The following SLC20A2 variants were observed in gnomAD, a reference collection of about 807,000 sequenced individuals.
The protein encoded by SLC20A2 is solute carrier family 20 member 2.
SLC20A2 carries 30 observed loss-of-function variants against 61.0 expected under a neutral mutation model. The observed-to-expected ratio is 0.49, with a 90% confidence interval of 0.37 to 0.67. SLC20A2 has a LOEUF of 0.67. SLC20A2 is among the 30% of genes least tolerant of loss of function. The pLI is 0.00. For synonymous variants in SLC20A2, 351 were observed against 353.3 expected (o/e 0.99, Z 0.07); for missense variants, 626 against 866.4 (o/e 0.72, Z 3.48).
chr8:42,504,728 C>T (rs2131357476), upstream of SLC20A2, among the ~76,000 whole-genome samples: 1 of 151,094 alleles, frequency 6.6e-6, no homozygotes, highest in East Asian at 1.9e-4. Flanking sequence ...GCCTGTAGTC[C>T]CAGCTACTCA....
intron 3 of SLC20A2, among the ~76,000 whole-genome samples, chr8:42,463,862 T>C (rs1287640473): frequency 1.3e-5 from 2 of 151,858 alleles, no homozygotes; most frequent in Non-Finnish European, 2.9e-5. Context: ...TTGTAAAAAA[T>C]TGAGTAACCC....
chr8:42,456,749 A>C (rs1177837975), intron 5 of SLC20A2, among the ~76,000 whole-genome samples: 2 of 151,144 alleles, frequency 1.3e-5, no homozygotes, highest in Non-Finnish European at 2.9e-5. Context: ...AAAAAAAAAA[A>C]AAAAAACAAG....
At chr8:42,429,968 G>T (rs1382271159) in intron 9 of SLC20A2, 96 bp downstream of exon 9, 3 of 1,057,262 alleles carry the variant, frequency 2.8e-6, no homozygotes, top group African/African-American at 1.6e-5. Flanking sequence ...GCTGCCAACT[G>T]CCAGTGCTGA....
At chr8:42,535,640 C>A (rs1353112335) in intron 1 of SLC20A2, among the ~76,000 whole-genome samples, 1 of 152,200 alleles carries the variant, frequency 6.6e-6, no homozygotes, top group African/African-American at 2.4e-5. Flanking sequence ...ACTGTATTAT[C>A]TGGTGACTAA....
intron 8 of SLC20A2, 29 bp from the exon 9 acceptor site, chr8:42,430,278 A>G: frequency 6.3e-7 from 1 of 1,581,096 alleles, no homozygotes; most frequent in Non-Finnish European, 8.6e-7. Flanking sequence ...GAAAAGATTA[A>G]CTATATATGC....
intron 1 of SLC20A2, among the ~76,000 whole-genome samples, chr8:42,473,627 A>T (rs926599961): frequency 1.3e-5 from 2 of 152,106 alleles, no homozygotes; most frequent in Non-Finnish European, 2.9e-5. Flanking sequence ...GGGAGAGGAG[A>T]TGCCATGAGA....
intron 1 of SLC20A2, among the ~76,000 whole-genome samples, chr8:42,530,477 T>C (rs1812250010): frequency 6.6e-6 from 1 of 152,208 alleles, no homozygotes; most frequent in Admixed American, 6.5e-5. Flanking sequence ...TTTACTCAAA[T>C]CTTCCCAAAA....
At chr8:42,427,197 C>T (rs577076288) in intron 10 of SLC20A2, among the ~76,000 whole-genome samples, 1 of 152,066 alleles carries the variant, frequency 6.6e-6, no homozygotes, top group African/African-American at 2.4e-5. Context: ...TGTGTAATCT[C>T]GGGCACGTTA....
chr8:42,457,737 G>A (rs974023444), intron 5 of SLC20A2, among the ~76,000 whole-genome samples: 10 of 151,986 alleles, frequency 6.6e-5, no homozygotes, highest in African/African-American at 1.5e-4. Flanking sequence ...CACCCACCTC[G>A]GCCTCCCAAA....
At chr8:42,537,592 T>C (rs944631220) in intron 1 of SLC20A2, 4 of 152,222 alleles carry the variant, frequency 2.6e-5, no homozygotes, top group African/African-American at 4.8e-5. Flanking sequence ...CAAGCAATCA[T>C]TGTCCTATGT....
At chr8:42,436,497 T>C (rs1804267989) in intron 8 of SLC20A2, among the ~76,000 whole-genome samples, 1 of 152,114 alleles carries the variant, frequency 6.6e-6, no homozygotes, top group Non-Finnish European at 1.5e-5. Flanking sequence ...AAACGTGCCC[T>C]GTGTGGCCCC....
chr8:42,419,741 A>T, intron 10 of SLC20A2: 2 of 904,470 alleles, frequency 2.2e-6, no homozygotes, highest in South Asian at 1.0e-4. Context: ...TGTGAATATC[A>T]GCACATGATA....
Position 42,468,429 on chromosome 8 carries a change from C to G in SLC20A2, c.290-2512G>C, listed in dbSNP as rs143415461. ...AGAGGATAGCAGGGAGGGGAGGAGACAGGGGACAGCTGAGGGAGGGCCTGG... is the reference window on the plus strand; with the variant it reads ...AGAGGATAGCAGGGAGGGGAGGAGAGAGGGGACAGCTGAGGGAGGGCCTGG... On this transcript the variant is annotated intron_variant, in intron 2 of 10. Coordinates refer to ENST00000520262, the MANE Select transcript of SLC20A2 (RefSeq NM_001257180.2). 5.8e-4 allele frequency among the ~76,000 whole-genome samples: 88 copies of G among 151,940 alleles called. No individual in the cohort carries two copies. The East Asian group carries it at 0.015, about 25-fold the overall frequency.
Position 42,472,263 on chromosome 8 carries a change from G to T in SLC20A2, c.128C>A (p.Thr43Asn). 6.2e-7 allele frequency: 1 copy of T among 1,614,110 alleles called. No homozygotes were observed. Among genetic ancestry groups the T allele is most frequent in the Non-Finnish European group, 8.5e-7 (1 of 1,180,036 alleles). Reference protein sequence around the residue: ...FGTAVGSGVVTLRQACILASI... With the variant: ...FGTAVGSGVVNLRQACILASI... The stretch of plus-strand genomic sequence containing the variant: ...AGCTAAAATGCATGCCTGCCTCAAG[G>T]TCACCACACCAGAGCCCACGGCTGT... The change falls in exon 2 of 11, where the codon ACC becomes AAC. Residue 43 changes from threonine (T) to asparagine (N), a missense_variant. By Grantham distance (65) the Thr-to-Asn change is moderately conservative. Transcript: ENST00000520262. The surrounding 1 kb of genome is among the most constrained non-coding windows in gnomAD (Gnocchi z 4.1).
chr8:42,515,413 C>G (rs2131384386), intron 1 of SLC20A2, among the ~76,000 whole-genome samples: 1 of 152,144 alleles, frequency 6.6e-6, no homozygotes, highest in South Asian at 2.1e-4. Context: ...TCTGTTAAAT[C>G]AGAAAAAATA....
At chr8:42,541,028 C>T (rs542161491) in intron 1 of SLC20A2, 9 of 152,210 alleles carry the variant, frequency 5.9e-5, no homozygotes, top group Non-Finnish European at 1.2e-4. Context: ...CAGACGCTTT[C>T]TTAAGAGTAC....
Position 42,520,502 on chromosome 8 carries a change from G to A in SLC20A2, c.-265+21319C>T, listed in dbSNP as rs1436972881. On this transcript the variant is annotated intron_variant, in intron 1 of 10. Coordinates refer to the SLC20A2 transcript ENST00000342228. ...AGCACTTTGGGAGGCCGAGGTGGGC[G>A]GATCATGGGGTCAGGAGATTGAGAC... is the stretch of plus-strand genomic sequence containing the variant. 3.2e-5 allele frequency among the ~76,000 whole-genome samples: 2 copies of A among 63,144 alleles called. 1 individual carries two copies. The highest frequency in any genetic ancestry group is 6.6e-5 in the African/African-American group (2 of 30,294). The allele number at this position is 63,144 out of a possible 152,430, so 41.4% of individuals were successfully genotyped here.
chr8:42,514,224 T>C (rs1811190207), intron 1 of SLC20A2, among the ~76,000 whole-genome samples: 1 of 152,216 alleles, frequency 6.6e-6, no homozygotes, highest in African/African-American at 2.4e-5. Context: ...AATTCTAACC[T>C]GTGGGCAAGA....
Position 42,437,399 on chromosome 8 carries a change from T to G in SLC20A2, c.1113A>C (p.Pro371=). 6.2e-7 allele frequency: 1 copy of G among 1,614,160 alleles called. No homozygotes were observed. The highest frequency in any genetic ancestry group is 8.5e-7 in the Non-Finnish European group (1 of 1,180,008). The change falls in exon 8 of 11, where the codon CCA becomes CCC. Residue 371 remains proline (P), a synonymous_variant. Coordinates refer to ENST00000520262, the MANE Select transcript of SLC20A2 (RefSeq NM_001257180.2). This position sits in a 1 kb window ranked among gnomAD's most constrained non-coding sequence, Gnocchi z 6.4. ...GCAGCCGGTAGTTGCTTTCCTGGGC[T>G]GGCTTCTCCTCGGGGCCCCTGTCGA... The part of the protein sequence containing the change: ...IHIDRGPEEK[P]AQESNYRLLR...
Sources: allele counts gnomAD v4.1 joint callset (sites outside exome capture counted in the v4.1 genomes callset), GRCh38; gene constraint gnomAD v4.1.1; non-coding constraint Gnocchi (gnomAD v3.1); transcripts MANE v1.5; gene names NCBI Gene and HGNC (gene_info 2026-07-23, HGNC 2026-07-21).